DLGAP2: variants seen among roughly 807,000 people sequenced by gnomAD.
DLGAP2 encodes disks large-associated protein 2.
DLGAP2 carries 26 observed loss-of-function variants against 100.3 expected under a neutral mutation model. The ratio of observed to expected loss-of-function variants is 0.26; its 90% CI spans 0.19 to 0.36. The LOEUF (loss-of-function observed/expected upper bound fraction) is 0.36, where lower values mean the gene tolerates loss of function less well. Ranked by LOEUF, DLGAP2 falls within the 10% of genes least tolerant of loss-of-function variation. The pLI is 1.00. For synonymous variants in DLGAP2, 886 were observed against 630.1 expected (o/e 1.41, Z -6.08); for missense variants, 1,858 against 1,453.2 (o/e 1.28, Z -4.53).
intron 2 of DLGAP2, among the ~76,000 whole-genome samples, chr8:1,182,844 C>T (rs1656758702): frequency 6.6e-6 from 1 of 152,330 alleles, no homozygotes; most frequent in African/African-American, 2.4e-5. Context: ...GGGACGGACT[C>T]CGCAGCCTGT....
At chr8:892,978 T>G (rs1181537893) in intron 1 of DLGAP2, 1 of 150,344 alleles carries the variant, frequency 6.7e-6, no homozygotes, top group Non-Finnish European at 1.5e-5. Flanking sequence ...GGTCTGTGGT[T>G]GTGCAAACAA....
At chr8:1,221,166 T>C (rs1435922096) in intron 2 of DLGAP2, among the ~76,000 whole-genome samples, 1 of 152,200 alleles carries the variant, frequency 6.6e-6, no homozygotes, top group African/African-American at 2.4e-5. Context: ...TTATGTATAC[T>C]CGGTTATATA....
rs148278409 is a variant in DLGAP2 at position 1,370,114 on chromosome 8, G to A, written c.106+111231G>A. 3.4e-3 allele frequency among the ~76,000 whole-genome samples: 515 copies of A among 152,206 alleles called. 1 individual carries two copies. The highest frequency in any genetic ancestry group is 0.011 in the African/African-American group (477 of 41,532). On this transcript the variant is annotated intron_variant, in intron 3 of 14. Coordinates refer to ENST00000637795, the MANE Select transcript of DLGAP2 (RefSeq NM_001346810.2). ...GGCAGCTTTTCTCCCACAGGTCTTC[G>A]GATATTTATGACAATTGGAAAGGTC...
chr8:1,453,356 A>T (rs143704119), intron 3 of DLGAP2, among the ~76,000 whole-genome samples: 1,724 of 152,296 alleles, frequency 0.011, 15 homozygotes, highest in Non-Finnish European at 0.017. Context: ...TATCTTCTTG[A>T]GTACTTTCAC....
chr8:1,448,545 G>GA (rs1197204898), intron 3 of DLGAP2, among the ~76,000 whole-genome samples: 1 of 152,198 alleles, frequency 6.6e-6, no homozygotes, highest in African/African-American at 2.4e-5. Flanking sequence ...GTGTGGTGCT[G>GA]AAAAAAATGT....
intron 1 of DLGAP2, among the ~76,000 whole-genome samples, chr8:808,354 C>A (rs930277400): frequency 6.6e-6 from 1 of 152,170 alleles, no homozygotes; most frequent in East Asian, 1.9e-4. Context: ...GCCTGAAGTT[C>A]GTGGTGTGGG....
intron 2 of DLGAP2, among the ~76,000 whole-genome samples, chr8:1,183,245 G>T (rs543976886): frequency 6.6e-6 from 1 of 152,196 alleles, no homozygotes; most frequent in Non-Finnish European, 1.5e-5. Flanking sequence ...GAATGTGACA[G>T]ACATGGAGGT....
chr8:1,427,710 C>G (rs1372690498), intron 3 of DLGAP2, among the ~76,000 whole-genome samples: 1 of 152,164 alleles, frequency 6.6e-6, no homozygotes, highest in Non-Finnish European at 1.5e-5. Context: ...TGTACAAGCT[C>G]TCTTCTCTTG....
At position 1,090,638 on chromosome 8, in the gene DLGAP2, C is replaced by G. The variant is rs563925762; in HGVS notation, c.74-168213C>G. 2.2e-4 allele frequency among the ~76,000 whole-genome samples: 33 copies of G among 152,302 alleles called. No homozygotes were observed. In the East Asian group the frequency reaches 5.4e-3, roughly 25 times the overall value. ...GGGTCTTGCCTCTTGCTGACTGAGCCCTGAGGGGCCTCCAGAGGCTGCTGT... is the reference window on the plus strand; with the variant it reads ...GGGTCTTGCCTCTTGCTGACTGAGCGCTGAGGGGCCTCCAGAGGCTGCTGT... On this transcript the variant is annotated intron_variant, in intron 2 of 14. Transcript: ENST00000637795.
At chr8:1,554,305 TAAATAAATAAATAAATA>T (rs944893997) in intron 5 of DLGAP2, among the ~76,000 whole-genome samples, 1 of 36,806 alleles carries the variant, frequency 2.7e-5, no homozygotes, top group African/African-American at 4.8e-4. Context: ...ATAAATTAAT[TAAATAAATAAATAAATA>T]AATAAAATGG....
At chr8:1,179,346 G>A (rs1014576348) in intron 2 of DLGAP2, among the ~76,000 whole-genome samples, 6 of 152,226 alleles carry the variant, frequency 3.9e-5, no homozygotes, top group African/African-American at 7.2e-5. Flanking sequence ...GGCACCAGCT[G>A]AGGCTGTGGG....
chr8:1,332,717 G>A (rs1001386218), intron 3 of DLGAP2, among the ~76,000 whole-genome samples: 29 of 152,186 alleles, frequency 1.9e-4, no homozygotes, highest in Non-Finnish European at 8.8e-5. Context: ...TGAGTCACTG[G>A]TGAGCTCAGC....
At chr8:1,507,433 G>T (rs1023064494) in intron 4 of DLGAP2, among the ~76,000 whole-genome samples, 8 of 152,156 alleles carry the variant, frequency 5.3e-5, no homozygotes, top group African/African-American at 9.7e-5. Flanking sequence ...GGCGCTGGCC[G>T]GCCGCTCCAA....
chr8:768,000 A>G (rs1024743422), intron 1 of DLGAP2, among the ~76,000 whole-genome samples: 1 of 152,314 alleles, frequency 6.6e-6, no homozygotes, highest in African/African-American at 2.4e-5. Context: ...CACTTCTCTG[A>G]TGTATAATTT....
At chr8:1,084,936 A>G (rs1803925672) in intron 2 of DLGAP2, among the ~76,000 whole-genome samples, 1 of 152,128 alleles carries the variant, frequency 6.6e-6, no homozygotes, top group African/African-American at 2.4e-5. Flanking sequence ...TTCCTGAGAC[A>G]CCTTCGTACT....
chr8:1,100,314 C>T (rs1384357480), intron 2 of DLGAP2, among the ~76,000 whole-genome samples: 1 of 151,982 alleles, frequency 6.6e-6, no homozygotes, highest in East Asian at 1.9e-4. Context: ...TAGGGAAAAC[C>T]TTTGTCCAGC....
At chr8:1,303,764 T>A (rs189540583) in intron 3 of DLGAP2, among the ~76,000 whole-genome samples, 3 of 152,020 alleles carry the variant, frequency 2.0e-5, no homozygotes, top group Non-Finnish European at 4.4e-5. Context: ...TTGCTTCTCA[T>A]AGGGGCTAAA....
At chr8:1,165,437 A>G (rs1796996896) in intron 2 of DLGAP2, among the ~76,000 whole-genome samples, 2 of 152,200 alleles carry the variant, frequency 1.3e-5, no homozygotes, top group African/African-American at 2.4e-5. Context: ...GGTTTTTCTC[A>G]AAGTGTGCAT....
At chr8:1,536,383 A>G (rs999413822) in intron 4 of DLGAP2, among the ~76,000 whole-genome samples, 1 of 152,164 alleles carries the variant, frequency 6.6e-6, no homozygotes, top group African/African-American at 2.4e-5. Context: ...CCGAGAACCA[A>G]TATCTTATTC....
Sources: gnomAD v4.1 joint callset for allele counts (sites outside exome capture counted in the v4.1 genomes callset) on GRCh38, gnomAD v4.1.1 for gene constraint, MANE v1.5 for transcripts, NCBI Gene and HGNC (gene_info 2026-07-23, HGNC 2026-07-21) for gene names.